The following SLC17A3 variants were observed in gnomAD, a reference collection of about 807,000 sequenced individuals.
SLC17A3 encodes solute carrier family 17 member 3.
Under a neutral mutation model 60.3 loss-of-function variants are expected in SLC17A3, and 61 were observed. The ratio of observed to expected loss-of-function variants is 1.01; its 90% CI spans 0.82 to 1.25. SLC17A3 has a LOEUF of 1.25. SLC17A3 is among the 50% of genes most tolerant of loss of function. SLC17A3 has a pLI of 0.00. For missense variants in SLC17A3, 624 were observed against 594.9 expected, an observed-to-expected ratio of 1.05 and a Z score of -0.51; for synonymous variants, 192 against 208.9, an observed-to-expected ratio of 0.92 and a Z score of 0.70.
chr6:25,845,202 A>G lies in SLC17A3; in HGVS notation c.*99T>C. On this transcript the variant is annotated 3_prime_UTR_variant, in exon 13 of 13. Coordinates refer to ENST00000397060, the MANE Select transcript of SLC17A3 (RefSeq NM_001098486.2). ...TGATCTCATAATTGAAAAGAGCCAC[A>G]GGAAAAAAAAAATCTTTTCACTGGT... 1 of 564,268 alleles carries G rather than the reference A, an allele frequency of 1.8e-6. No individual in the cohort carries two copies. Among genetic ancestry groups the G allele is most frequent in the Non-Finnish European group, 2.8e-6 (1 of 350,916 alleles). The allele number at this position is 564,268 out of a possible 1,614,324, so 35.0% of individuals were successfully genotyped here.
At chr6:25,863,768 G>A (rs973836524) in intron 2 of SLC17A3, among the ~76,000 whole-genome samples, 4 of 151,998 alleles carry the variant, frequency 2.6e-5, no homozygotes, top group African/African-American at 7.2e-5. Context: ...ATTCAATGCA[G>A]GAGAAATAGC....
chr6:25,859,570 G>A (rs977663594), intron 5 of SLC17A3, among the ~76,000 whole-genome samples: 1 of 152,172 alleles, frequency 6.6e-6, no homozygotes, highest in Non-Finnish European at 1.5e-5. Flanking sequence ...GAAACACAAA[G>A]CCATGGCAGT....
chr6:25,848,994 C>T (rs1765224272), intron 11 of SLC17A3, among the ~76,000 whole-genome samples: 1 of 152,160 alleles, frequency 6.6e-6, no homozygotes, highest in Non-Finnish European at 1.5e-5. Context: ...AGAATCTGGT[C>T]ACATTCTTTG....
intron 1 of SLC17A3, among the ~76,000 whole-genome samples, chr6:25,872,160 A>G (rs1210094064): frequency 6.6e-6 from 1 of 151,976 alleles, no homozygotes; most frequent in African/African-American, 2.4e-5. Context: ...CTTCATAATT[A>G]TTTCATGGCA....
intron 1 of SLC17A3, among the ~76,000 whole-genome samples, chr6:25,870,188 C>A (rs1438374647): frequency 2.0e-5 from 3 of 151,922 alleles, no homozygotes; most frequent in Non-Finnish European, 4.4e-5. Context: ...CTCTTCAGAT[C>A]TTGGCATTGG....
chr6:25,860,073 A>G (rs1175263406), intron 5 of SLC17A3, among the ~76,000 whole-genome samples: 2 of 152,118 alleles, frequency 1.3e-5, no homozygotes, highest in East Asian at 3.9e-4. Context: ...AGATTAATCT[A>G]TGTTGTTTCA....
chr6:25,868,274 C>A, intron 2 of SLC17A3, 23 bp downstream of exon 2: 1 of 1,574,156 alleles, frequency 6.4e-7, no homozygotes, highest in Non-Finnish European at 8.7e-7. Context: ...ATCCTAAAAC[C>A]AAGCAGTTGA....
chr6:25,860,437 G>A (rs1765428341), intron 5 of SLC17A3, among the ~76,000 whole-genome samples: 1 of 152,092 alleles, frequency 6.6e-6, no homozygotes, highest in African/African-American at 2.4e-5. Flanking sequence ...GGAGCCCCAG[G>A]ATCATCAGAA....
chr6:25,866,196 CTAAAGA>C (rs1765533330), intron 2 of SLC17A3, among the ~76,000 whole-genome samples: 1 of 151,926 alleles, frequency 6.6e-6, no homozygotes, highest in African/African-American at 2.4e-5. Flanking sequence ...TCTTAGCAGA[CTAAAGA>C]TAAACACTCT....
intron 1 of SLC17A3, among the ~76,000 whole-genome samples, chr6:25,870,223 A>G (rs1420825194): frequency 1.3e-5 from 2 of 151,986 alleles, no homozygotes; most frequent in East Asian, 3.9e-4. Context: ...TGGTGTGGCC[A>G]GTACATTTTA....
chr6:25,868,237 AC>A, intron 2 of SLC17A3, 59 bp downstream of exon 2: 4 of 1,155,950 alleles, frequency 3.5e-6, no homozygotes, highest in Non-Finnish European at 5.2e-6. Flanking sequence ...TTATAGTAAT[AC>A]GTTGACAAAA....
At chr6:25,860,587 C>A (rs1252938734) in intron 5 of SLC17A3, among the ~76,000 whole-genome samples, 4 of 152,028 alleles carry the variant, frequency 2.6e-5, no homozygotes, top group African/African-American at 9.7e-5. Context: ...GGTTTGGAGG[C>A]CAGAAAGGAT....
intron 1 of SLC17A3, among the ~76,000 whole-genome samples, chr6:25,872,474 T>A (rs927585938): frequency 1.3e-5 from 2 of 151,024 alleles, no homozygotes; most frequent in Non-Finnish European, 1.5e-5. Flanking sequence ...GTATACACAC[T>A]ACATATCTAT....
At chr6:25,859,468 C>T (rs1374772431) in intron 5 of SLC17A3, among the ~76,000 whole-genome samples, 2 of 152,184 alleles carry the variant, frequency 1.3e-5, no homozygotes, top group Admixed American at 6.5e-5. Flanking sequence ...CCCTAAAAAG[C>T]CTGTTTAACA....
chr6:25,850,932 C>G, intron 6 of SLC17A3, 55 bp from the exon 7 acceptor site: 2 of 1,250,392 alleles, frequency 1.6e-6, no homozygotes, highest in Non-Finnish European at 1.2e-6. Context: ...TTTGGGTGAA[C>G]TTCTTTTATG....
At position 25,850,879 on chromosome 6, in the gene SLC17A3, T is replaced by G. The variant is rs1223737466; in HGVS notation, c.713-2A>C. The G allele has an allele frequency of 6.2e-7, 1 of 1,612,260 alleles. No individual in the cohort carries two copies. Among genetic ancestry groups the G allele is most frequent in the Non-Finnish European group, 8.5e-7 (1 of 1,178,294 alleles). ...GGCAGCAGACACAGCCAACACCTCC[T>G]GTAAGCACAGGGTAAATTTGGTAAA... On this transcript the variant is annotated splice_acceptor_variant, in intron 6 of 12. Coordinates refer to ENST00000397060, the MANE Select transcript of SLC17A3 (RefSeq NM_001098486.2). LOFTEE classifies it high-confidence loss of function.
chr6:25,872,398 C>A (rs1302755514), intron 1 of SLC17A3, among the ~76,000 whole-genome samples: 1 of 149,488 alleles, frequency 6.7e-6, no homozygotes, highest in Non-Finnish European at 1.5e-5. Flanking sequence ...ACTTCTTGGG[C>A]TTAAGAAATT....
chr6:25,867,683 G>A (rs947349367), intron 2 of SLC17A3, among the ~76,000 whole-genome samples: 4 of 151,782 alleles, frequency 2.6e-5, no homozygotes, highest in African/African-American at 7.2e-5. Flanking sequence ...TTTCAGCTAA[G>A]AAATACTTCA....
intron 11 of SLC17A3, 87 bp from the exon 12 acceptor site, chr6:25,845,603 C>G (rs778202756): frequency 6.8e-7 from 1 of 1,472,992 alleles, no homozygotes; most frequent in Non-Finnish European, 9.5e-7. Context: ...ACAACATTCA[C>G]TGGTGGGTTT....
Sources: allele counts gnomAD v4.1 joint callset (sites outside exome capture counted in the v4.1 genomes callset), GRCh38; gene constraint gnomAD v4.1.1; transcripts MANE v1.5; gene names NCBI Gene and HGNC (gene_info 2026-07-23, HGNC 2026-07-21).